The following BAZ2B variants were observed in gnomAD, a reference collection of about 807,000 sequenced individuals.
BAZ2B encodes bromodomain adjacent to zinc finger domain 2B.
A neutral mutation model predicts 246.0 loss-of-function variants in BAZ2B; 91 were observed. The ratio of observed to expected loss-of-function variants is 0.37; its 90% confidence interval spans 0.31 to 0.44. The LOEUF (loss-of-function observed/expected upper bound fraction) is 0.44, where lower values mean the gene tolerates loss of function less well. BAZ2B is among the 20% of genes least tolerant of loss of function. The pLI, the probability that BAZ2B is intolerant of heterozygous loss-of-function variation, is 1.00. For missense variants in BAZ2B, 2,332 were observed against 2,533.7 expected (o/e 0.92, Z 1.71); for synonymous variants, 855 against 860.0 (o/e 0.99, Z 0.10).
chr2:159,619,257 C>G (rs1460484613), upstream of BAZ2B, among the ~76,000 whole-genome samples: 1 of 151,838 alleles, frequency 6.6e-6, no homozygotes, highest in East Asian at 1.9e-4. Flanking sequence ...TTGTCTTTTA[C>G]TTGATTGCAC....
chr2:159,438,255 T>G (rs1341115706), intron 8 of BAZ2B, 48 bp downstream of exon 8: 1 of 1,502,156 alleles, frequency 6.7e-7, no homozygotes, highest in Non-Finnish European at 9.0e-7. Flanking sequence ...ATAGAAGCTC[T>G]ATCTTTCTCT....
rs756264266 is a variant in BAZ2B at position 159,324,906 on chromosome 2, T to C, written c.6258A>G (p.Leu2086=). ...METHEDAWPF[L]LPVNLKLVPG... ...GAACAAGTTTCAAGTTTACAGGAAG[T>C]AGAAAAGGCCATGCATCCTCATGAG... Residue 2086 remains leucine, a synonymous_variant, in exon 36 of 37, where the codon CTA becomes CTG. Coordinates refer to ENST00000392783, the MANE Select transcript of BAZ2B (RefSeq NM_013450.4). The C allele has an allele frequency of 1.9e-6, 3 of 1,559,984 alleles. No individual in the cohort carries two copies. The highest frequency in any genetic ancestry group is 4.2e-5 in the Admixed American group (2 of 47,936).
the BAZ2B span, among the ~76,000 whole-genome samples, chr2:159,678,341 AC>A: frequency 2.0e-5 from 3 of 152,228 alleles, no homozygotes; most frequent in African/African-American, 7.2e-5. Context: ...GATATTTTAT[AC>A]TTTTTCCATT....
chr2:159,325,983 A>G, intron 34 of BAZ2B, 65 bp from the exon 35 acceptor site: 1 of 1,344,106 alleles, frequency 7.4e-7, no homozygotes, highest in South Asian at 1.4e-5. Context: ...TATTATTTTA[A>G]ATTATGAAAG....
chr2:159,519,390 C>T (rs1280477249), intron 2 of BAZ2B, among the ~76,000 whole-genome samples: 4 of 147,340 alleles, frequency 2.7e-5, no homozygotes, highest in Non-Finnish European at 6.0e-5. Context: ...CCACCGCGCC[C>T]GGCTAATTTT....
intron 18 of BAZ2B, 143 bp downstream of exon 18, chr2:159,398,686 T>C (rs1033120093): frequency 1.6e-5 from 11 of 676,724 alleles, no homozygotes; most frequent in Non-Finnish European, 4.7e-6. Flanking sequence ...AATAAAAACA[T>C]ACACTATACA....
At chr2:159,467,429 G>A (rs2077211973) in intron 3 of BAZ2B, among the ~76,000 whole-genome samples, 1 of 152,108 alleles carries the variant, frequency 6.6e-6, no homozygotes, top group Non-Finnish European at 1.5e-5. Flanking sequence ...TTCCCCCCCA[G>A]GTTTCTGGAG....
chr2:159,577,909 T>C (rs904830853), intron 1 of BAZ2B, among the ~76,000 whole-genome samples: 4 of 152,168 alleles, frequency 2.6e-5, no homozygotes, highest in African/African-American at 4.8e-5. Flanking sequence ...AAAGAACTAG[T>C]TCATTTATGT....
At chr2:159,697,636 G>A in the BAZ2B span, among the ~76,000 whole-genome samples, 1 of 151,846 alleles carries the variant, frequency 6.6e-6, no homozygotes, top group East Asian at 1.9e-4. Context: ...GGCTTTTTTT[G>A]CACTTTGCTT....
chr2:159,510,063 T>C (rs1030485317), intron 2 of BAZ2B, among the ~76,000 whole-genome samples: 6 of 152,038 alleles, frequency 3.9e-5, no homozygotes, highest in Non-Finnish European at 8.8e-5. Flanking sequence ...AGGACAAATA[T>C]TGTATGATTC....
the BAZ2B span, among the ~76,000 whole-genome samples, chr2:159,627,758 C>T: frequency 6.6e-6 from 1 of 152,092 alleles, no homozygotes; most frequent in Admixed American, 6.6e-5. Flanking sequence ...AAAACCAGCA[C>T]AAGACAAGGA....
chr2:159,549,022 G>A (rs1353481365), intron 2 of BAZ2B, among the ~76,000 whole-genome samples: 2 of 152,142 alleles, frequency 1.3e-5, no homozygotes, highest in Non-Finnish European at 2.9e-5. Context: ...GCTCACGCCT[G>A]TAATCCCAGC....
intron 1 of BAZ2B, among the ~76,000 whole-genome samples, chr2:159,568,049 G>A (rs981307773): frequency 6.6e-6 from 1 of 152,162 alleles, no homozygotes; most frequent in African/African-American, 2.4e-5. Flanking sequence ...TCTCTGGAAA[G>A]TGCACAATTC....
the BAZ2B span, among the ~76,000 whole-genome samples, chr2:159,704,951 T>G: frequency 6.6e-6 from 1 of 151,878 alleles, no homozygotes; most frequent in Non-Finnish European, 1.5e-5. Flanking sequence ...ATCCGCCCAG[T>G]TCGGCCTCCC....
intron 1 of BAZ2B, among the ~76,000 whole-genome samples, chr2:159,607,041 G>C (rs1693668034): frequency 6.6e-6 from 1 of 151,324 alleles, no homozygotes; most frequent in African/African-American, 2.4e-5. Context: ...TTTTAGTAGA[G>C]ACAGGGTTTC....
At chr2:159,356,593 C>T (rs1200728481) in intron 27 of BAZ2B, among the ~76,000 whole-genome samples, 1 of 152,192 alleles carries the variant, frequency 6.6e-6, no homozygotes, top group African/African-American at 2.4e-5. Context: ...CTGAAGAGAG[C>T]AGCAGATCTC....
the BAZ2B span, among the ~76,000 whole-genome samples, chr2:159,652,636 A>G: frequency 6.6e-6 from 1 of 152,088 alleles, no homozygotes; most frequent in Non-Finnish European, 1.5e-5. Context: ...TTGAGACAGT[A>G]TCTTGCTCTA....
chr2:159,559,240 T>TAA (rs200773609), intron 1 of BAZ2B, among the ~76,000 whole-genome samples: 2 of 144,144 alleles, frequency 1.4e-5, no homozygotes, highest in Non-Finnish European at 3.1e-5. Context: ...GTAACCCTGT[T>TAA]AAAAAAAAAA....
chr2:159,397,062 A>C, intron 19 of BAZ2B: 1 of 1,390,454 alleles, frequency 7.2e-7, no homozygotes, highest in East Asian at 3.7e-5. Flanking sequence ...ACAAAAATAA[A>C]CATACCCATA....
Sources: gnomAD v4.1 joint callset for allele counts (sites outside exome capture counted in the v4.1 genomes callset) on GRCh38, gnomAD v4.1.1 for gene constraint, MANE v1.5 for transcripts, NCBI Gene and HGNC (gene_info 2026-07-23, HGNC 2026-07-21) for gene names.